The following NIN variants were observed in gnomAD, a reference collection of about 807,000 sequenced individuals.
NIN encodes the protein ninein, also known as glycogen synthase kinase 3 beta-interacting protein.
Under a neutral mutation model 257.6 loss-of-function variants are expected in NIN, and 137 were observed. The ratio of observed to expected loss-of-function variants is 0.53; its 90% CI spans 0.46 to 0.61. The LOEUF is 0.61. Among genes scored for constraint, NIN ranks in the 20% least tolerant of loss-of-function variants. The probability of loss-of-function intolerance (pLI) is 0.00; values close to 1 mark genes in which losing one functional copy is unlikely to be tolerated. For missense variants in NIN, 2,439 were observed against 2,501.2 expected, an observed-to-expected ratio of 0.98 and a Z score of 0.53; for synonymous variants, 918 against 919.8, an observed-to-expected ratio of 1.00 and a Z score of 0.04.
intron 4 of NIN, among the ~76,000 whole-genome samples, chr14:50,801,012 G>C (rs1168411540): frequency 6.7e-6 from 1 of 150,014 alleles, no homozygotes; most frequent in Non-Finnish European, 1.5e-5. Context: ...TTGAACTCCT[G>C]ACCTTGTGAT....
intron 25 of NIN, among the ~76,000 whole-genome samples, chr14:50,740,391 C>T (rs2140482129): frequency 6.6e-6 from 1 of 152,166 alleles, no homozygotes; most frequent in Admixed American, 6.5e-5. Context: ...CTCTGTCGCC[C>T]AGGCTGGAGT....
chr14:50,821,608 C>G (rs1566883186), intron 3 of NIN, among the ~76,000 whole-genome samples: 1 of 152,136 alleles, frequency 6.6e-6, no homozygotes, highest in Non-Finnish European at 1.5e-5. Context: ...CCACAAAGAA[C>G]AAGAAAAAAG....
At chr14:50,808,999 T>C (rs1397648648) in intron 3 of NIN, among the ~76,000 whole-genome samples, 2 of 152,112 alleles carry the variant, frequency 1.3e-5, no homozygotes, top group Non-Finnish European at 2.9e-5. Flanking sequence ...GGCAGGTGGA[T>C]CACTTGAGGC....
chr14:50,766,551 A>G, intron 13 of NIN, among the ~76,000 whole-genome samples, 155 bp from the exon 14 acceptor site: 1 of 152,180 alleles, frequency 6.6e-6, no homozygotes, highest in South Asian at 2.1e-4. Context: ...TGATGGGGAG[A>G]ACGCACTAGA....
At chr14:50,830,013 G>A (rs550301742) in intron 2 of NIN, among the ~76,000 whole-genome samples, 13 of 152,274 alleles carry the variant, frequency 8.5e-5, no homozygotes, top group Non-Finnish European at 1.8e-4. Context: ...CTGTTTACGC[G>A]CATCGACCCC....
chr14:50,756,600 TTAAC>T lies in NIN; in HGVS notation c.4426_4429del (p.Val1476SerfsTer15), dbSNP rs902649261. The stretch of plus-strand genomic sequence containing the variant: ...TCCGTGAGAAAGTACATCTTTTTGC[TTAAC>T]TAAAATAGTGACTCTCTCCTTCAAC... On this transcript the variant is annotated frameshift_variant, in exon 18 of 31. Coordinates refer to ENST00000530997, the MANE Select transcript of NIN (RefSeq NM_020921.4). LOFTEE classifies it high-confidence loss of function. The T allele has an allele frequency of 1.3e-6, 2 of 1,592,882 alleles. No individual in the cohort carries two copies. The highest frequency in any genetic ancestry group is 1.7e-6 in the Non-Finnish European group (2 of 1,167,768).
intron 29 of NIN, chr14:50,726,293 T>C: frequency 2.2e-6 from 1 of 462,938 alleles, no homozygotes; most frequent in South Asian, 4.2e-5. Flanking sequence ...GAATCTTACC[T>C]GTGTTACCAT....
At chr14:50,826,370 A>G (rs1262422107) in intron 2 of NIN, among the ~76,000 whole-genome samples, 1 of 152,232 alleles carries the variant, frequency 6.6e-6, no homozygotes, top group East Asian at 1.9e-4. Context: ...GGATGGTTAA[A>G]TAAGAAGCAG....
At chr14:50,830,628 C>G (rs1249952141) in intron 1 of NIN, 111 bp from the exon 2 acceptor site, 1 of 167,106 alleles carries the variant, frequency 6.0e-6, no homozygotes, top group Non-Finnish European at 1.5e-5. Context: ...AATGGGGACC[C>G]GCGTGAGCGT....
At chr14:50,806,998 C>A (rs527312026) in intron 3 of NIN, among the ~76,000 whole-genome samples, 180 bp from the exon 4 acceptor site, 1 of 152,294 alleles carries the variant, frequency 6.6e-6, no homozygotes, top group Non-Finnish European at 1.5e-5. Context: ...ATCATTTTGA[C>A]ACCTCGTGCC....
chr14:50,758,581 G>T lies in NIN; in HGVS notation c.2449C>A (p.Gln817Lys). ...CNRRTSQIEAQFQSDCQKVTE... is the reference protein window; with the variant it reads ...CNRRTSQIEAKFQSDCQKVTE... Reference sequence around the variant, plus strand: ...ACTTTCTGACAATCAGACTGAAACTGGGCTTCTATTTGAGAGGTTCTTCTA... The same window carrying T: ...ACTTTCTGACAATCAGACTGAAACTTGGCTTCTATTTGAGAGGTTCTTCTA... The change falls in exon 18 of 31, where the codon CAG becomes AAG. Residue 817 changes from glutamine to lysine, a missense_variant. Around this residue, in one of 3 missense-constraint regions of NIN, gnomAD observed 2,043 missense variants for 2,050.2 expected, o/e 1.00. Coordinates refer to ENST00000530997, the MANE Select transcript of NIN (RefSeq NM_020921.4). The T allele has an allele frequency of 6.2e-7, 1 of 1,602,992 alleles. No individual in the cohort carries two copies. The highest frequency in any genetic ancestry group is 8.5e-7 in the Non-Finnish European group (1 of 1,175,864).
In NIN at chr14:50,752,575, C is replaced by T. The variant is rs757249445; in HGVS notation, c.4893G>A (p.Glu1631=). 41 of 1,613,934 alleles carry T rather than the reference C, an allele frequency of 2.5e-5. No homozygotes were observed. The highest frequency in any genetic ancestry group is 1.4e-5 in the Non-Finnish European group (16 of 1,179,980). The change falls in exon 21 of 31, where the codon GAG becomes GAA. Residue 1631 remains glutamate (E), a synonymous_variant. Transcript: ENST00000530997. The part of the protein sequence containing the change: ...KEKEPGNSAL[E]EREQEKFNLK... ...GATTAAACTTCTCTTGTTCCCGTTC[C>T]TCCAATGCACTGTTTCCTGGCTCTT...
chr14:50,821,808 C>A, intron 3 of NIN, 66 bp downstream of exon 3: 2 of 1,327,856 alleles, frequency 1.5e-6, no homozygotes, highest in Admixed American at 1.9e-5. Context: ...TGGTCCGCCC[C>A]ACCCCCAGCA....
intron 29 of NIN, chr14:50,727,562 A>G: frequency 7.6e-7 from 1 of 1,308,074 alleles, no homozygotes; most frequent in South Asian, 1.5e-5. Context: ...AAAATAATAA[A>G]ATAATTTAAA....
chr14:50,732,039 T>C (rs567864128), intron 28 of NIN, among the ~76,000 whole-genome samples: 80 of 152,334 alleles, frequency 5.3e-4, no homozygotes, highest in Non-Finnish European at 8.7e-4. Flanking sequence ...AACAAACTTA[T>C]TGAACCGCTC....
chr14:50,746,892 C>T (rs767488722), intron 22 of NIN, among the ~76,000 whole-genome samples: 1 of 152,102 alleles, frequency 6.6e-6, no homozygotes, highest in African/African-American at 2.4e-5. Flanking sequence ...AGTATTCTGT[C>T]GCCCAGGCTG....
chr14:50,817,664 T>C (rs1566879158), intron 3 of NIN, among the ~76,000 whole-genome samples: 1 of 152,126 alleles, frequency 6.6e-6, no homozygotes, highest in Non-Finnish European at 1.5e-5. Context: ...ATTAAGAATA[T>C]AGCAATGCAA....
intron 4 of NIN, among the ~76,000 whole-genome samples, chr14:50,794,955 T>C (rs1566855493): frequency 6.6e-6 from 1 of 152,188 alleles, no homozygotes; most frequent in Non-Finnish European, 1.5e-5. Context: ...GGTAACAGAT[T>C]GTGAGCCAGC....
At chr14:50,775,183 G>A (rs2042875008) in intron 7 of NIN, among the ~76,000 whole-genome samples, 1 of 152,110 alleles carries the variant, frequency 6.6e-6, no homozygotes, top group Non-Finnish European at 1.5e-5. Context: ...AATCTTTGGA[G>A]TTTTAGAAAA....
Sources: allele counts gnomAD v4.1 joint callset (sites outside exome capture counted in the v4.1 genomes callset), GRCh38; gene constraint gnomAD v4.1.1; regional missense constraint gnomAD v4.1.1; transcripts MANE v1.5; gene names NCBI Gene and HGNC (gene_info 2026-07-23, HGNC 2026-07-21).